FPR3: variants seen among roughly 807,000 people sequenced by gnomAD.
FPR3 encodes formyl peptide receptor 3.
For synonymous variants in FPR3, 135 were observed against 163.6 expected, an observed-to-expected ratio of 0.83 and a Z score of 1.34; for missense variants, 346 against 443.2, an observed-to-expected ratio of 0.78 and a Z score of 1.97.
Position 51,810,607 on chromosome 19 carries a change from G to A in FPR3, c.-10-13132G>A, listed in dbSNP as rs528033480. Among the ~76,000 whole-genome samples, 33 of 152,262 alleles carry A rather than the reference G, an allele frequency of 2.2e-4. 1 individual carries two copies. The South Asian group carries it at 6.4e-3, about 30-fold the overall frequency. Reference sequence around the variant, plus strand: ...TAATGTCTCCGTGTCCAGCAACATGGTTCTGTTTAGCCTGGTCTGCACACA... The same window carrying A: ...TAATGTCTCCGTGTCCAGCAACATGATTCTGTTTAGCCTGGTCTGCACACA... On this transcript the variant is annotated intron_variant, in intron 1 of 1. Coordinates refer to ENST00000339223, the MANE Select transcript of FPR3 (RefSeq NM_002030.5).
intron 1 of FPR3, among the ~76,000 whole-genome samples, chr19:51,811,014 T>C (rs1269809519): frequency 6.6e-6 from 1 of 152,170 alleles, no homozygotes; most frequent in Admixed American, 6.5e-5. Flanking sequence ...TATAGGCCAA[T>C]TTTTATCCTC....
chr19:51,810,033 C>A (rs2084085985), intron 1 of FPR3, among the ~76,000 whole-genome samples: 1 of 152,152 alleles, frequency 6.6e-6, no homozygotes, highest in South Asian at 2.1e-4. Context: ...ATTTTTTCCA[C>A]TGGGTGGGGC....
chr19:51,823,629 C>T, intron 1 of FPR3, 110 bp from the exon 2 acceptor site: 1 of 822,586 alleles, frequency 1.2e-6, no homozygotes, highest in Non-Finnish European at 1.9e-6. Flanking sequence ...TCACAAGGCT[C>T]ACTGGGGAGG....
intron 1 of FPR3, among the ~76,000 whole-genome samples, chr19:51,797,874 A>ATTATTTTT (rs1161472789): frequency 2.8e-5 from 1 of 35,738 alleles, no homozygotes; most frequent in Non-Finnish European, 5.4e-5. Flanking sequence ...TTCCATGTCT[A>ATTATTTTT]TTCTTTTTTT....
intron 1 of FPR3, chr19:51,811,591 G>A (rs960828598): frequency 6.6e-6 from 1 of 152,252 alleles, no homozygotes; most frequent in Non-Finnish European, 1.5e-5. Context: ...TCAGACTGTC[G>A]CCTGTTTGAG....
intron 1 of FPR3, among the ~76,000 whole-genome samples, chr19:51,800,401 T>C (rs1021875630): frequency 1.3e-5 from 2 of 152,168 alleles, no homozygotes; most frequent in Admixed American, 1.3e-4. Flanking sequence ...ATGTCCAGTA[T>C]AAACCTGCAG....
intron 1 of FPR3, among the ~76,000 whole-genome samples, chr19:51,800,779 A>C (rs2084023170): frequency 6.6e-6 from 1 of 152,186 alleles, no homozygotes; most frequent in Non-Finnish European, 1.5e-5. Context: ...AACAATGTGT[A>C]AAGTGAAAAC....
chr19:51,814,414 G>A (rs957485192), intron 1 of FPR3, among the ~76,000 whole-genome samples: 7 of 152,168 alleles, frequency 4.6e-5, no homozygotes, highest in African/African-American at 1.7e-4. Context: ...AGGTTAAGGG[G>A]TTAATCTTGG....
chr19:51,796,649 T>G (rs1384224428), intron 1 of FPR3, among the ~76,000 whole-genome samples: 1 of 152,150 alleles, frequency 6.6e-6, no homozygotes, highest in East Asian at 1.9e-4. Context: ...GAGTAAGACG[T>G]GGATGGCGTT....
chr19:51,824,066 C>T lies in FPR3; in HGVS notation c.318C>T (p.Asp106=), dbSNP rs145113785. ...FLCKLVHVMI[D]INLFVSVYLI... is the part of the protein sequence containing the mutation. ...GTAAGTTAGTTCATGTTATGATAGA[C>T]ATCAACCTGTTTGTCAGTGTCTACC... Residue 106 remains aspartate (D), a synonymous_variant, in exon 2 of 2, where the codon GAC becomes GAT. Transcript: ENST00000339223. This position sits in a 1 kb window ranked among gnomAD's most constrained non-coding sequence, Gnocchi z 4.7. 134 of 1,614,150 alleles carry T rather than the reference C, an allele frequency of 8.3e-5. No individual in the cohort carries two copies. In the African/African-American group the frequency reaches 1.4e-3, roughly 17 times the overall value.
At chr19:51,805,624 T>C (rs1313357592) in intron 1 of FPR3, among the ~76,000 whole-genome samples, 1 of 152,214 alleles carries the variant, frequency 6.6e-6, no homozygotes, top group Non-Finnish European at 1.5e-5. Flanking sequence ...CACAGAACCA[T>C]GGATTTCAAC....
At chr19:51,797,703 T>C (rs547804089) in intron 1 of FPR3, among the ~76,000 whole-genome samples, 1 of 152,146 alleles carries the variant, frequency 6.6e-6, no homozygotes, top group Non-Finnish European at 1.5e-5. Flanking sequence ...GTGTGGATAA[T>C]GTTCATAAGT....
rs1456399412 is a variant in FPR3 at position 51,825,937 on chromosome 19, G to A, written c.*1127G>A. ...ACTTTATCTTACCATTAAGTAAAATGTTTGCCATAGGCTTTCTGGGGCTTT... is the reference window on the plus strand; with the variant it reads ...ACTTTATCTTACCATTAAGTAAAATATTTGCCATAGGCTTTCTGGGGCTTT... On this transcript the variant is annotated 3_prime_UTR_variant, in exon 2 of 2. Coordinates refer to ENST00000339223, the MANE Select transcript of FPR3 (RefSeq NM_002030.5). 6.0e-6 allele frequency: 1 copy of A among 167,046 alleles called. No individual in the cohort carries two copies. The highest frequency in any genetic ancestry group is 1.5e-5 in the Non-Finnish European group (1 of 68,118). The allele number at this position is 167,046 out of a possible 1,614,324, so 10.3% of individuals were successfully genotyped here. A position where few individuals can be genotyped will look rare whatever the true frequency, so the allele number is the denominator to read the frequency against.
At chr19:51,810,911 T>C (rs2084092180) in intron 1 of FPR3, among the ~76,000 whole-genome samples, 1 of 152,212 alleles carries the variant, frequency 6.6e-6, no homozygotes. Flanking sequence ...GCTCTCCAGC[T>C]ATGGCAGCAG....
chr19:51,814,241 C>T (rs1279561522), intron 1 of FPR3, among the ~76,000 whole-genome samples: 1 of 152,174 alleles, frequency 6.6e-6, no homozygotes, highest in African/African-American at 2.4e-5. Flanking sequence ...AGGACAATGT[C>T]CTGATGTTGC....
intron 1 of FPR3, among the ~76,000 whole-genome samples, chr19:51,822,065 A>G (rs77584775): frequency 6.4e-4 from 98 of 152,330 alleles, no homozygotes; most frequent in African/African-American, 2.3e-3. Context: ...AGACCACAGT[A>G]TAAGCAAATT....
chr19:51,796,100 A>G (rs10423494), intron 1 of FPR3, among the ~76,000 whole-genome samples: 122,432 of 152,184 alleles, frequency 0.8, 49,511 homozygotes, highest in East Asian at 0.98. Context: ...GCTGTACCTG[A>G]GCATTCTGCT....
At chr19:51,823,615 C>A (rs1415824731) in intron 1 of FPR3, 124 bp from the exon 2 acceptor site, 17 of 731,570 alleles carry the variant, frequency 2.3e-5, no homozygotes, top group African/African-American at 2.0e-4. Flanking sequence ...TATGTTATAA[C>A]CATTCACAAG....
At chr19:51,813,834 G>A (rs560242438) in intron 1 of FPR3, among the ~76,000 whole-genome samples, 10 of 152,148 alleles carry the variant, frequency 6.6e-5, no homozygotes, top group South Asian at 4.1e-4. Flanking sequence ...GCAGCTGGCC[G>A]ATGTTTTCCT....
Sources: allele counts gnomAD v4.1 joint callset (sites outside exome capture counted in the v4.1 genomes callset), GRCh38; gene constraint gnomAD v4.1.1; non-coding constraint Gnocchi (gnomAD v3.1); transcripts MANE v1.5; gene names NCBI Gene and HGNC (gene_info 2026-07-23, HGNC 2026-07-21).